The following OTOF variants were observed in gnomAD, a reference collection of about 807,000 sequenced individuals.
OTOF encodes otoferlin.
A neutral mutation model predicts 236.8 loss-of-function variants in OTOF; 218 were observed. The observed-to-expected ratio is 0.92, with a 90% CI of 0.82 to 1.03. The LOEUF is 1.03. OTOF is among the 50% of genes least tolerant of loss of function. The pLI is 0.00. For synonymous variants in OTOF, 1,041 were observed against 1,072.5 expected, an observed-to-expected ratio of 0.97 and a Z score of 0.57; for missense variants, 2,590 against 2,694.4, an observed-to-expected ratio of 0.96 and a Z score of 0.86.
chr2:26,552,599 G>T (rs1667488821), intron 1 of OTOF, among the ~76,000 whole-genome samples: 1 of 152,182 alleles, frequency 6.6e-6, no homozygotes, highest in Admixed American at 6.5e-5. Context: ...TATCAAAGCA[G>T]AAGTCTGGGG....
At position 26,471,742 on chromosome 2, in the gene OTOF, AC is replaced by A. The variant is rs557044931; in HGVS notation, c.3865-593del. ...ATACCACATGCCAGTGCACATGCAC[AC>A]ACCCACATGTATGCACGCATGTGCA... On this transcript the variant is annotated intron_variant, in intron 30 of 46. Transcript: ENST00000272371. Among the ~76,000 whole-genome samples, 11 of 152,332 alleles carry A rather than the reference AC, an allele frequency of 7.2e-5. No individual in the cohort carries two copies. The South Asian group carries it at 2.3e-3, about 32-fold the overall frequency.
At chr2:26,531,063 T>A (rs1666935165) in intron 2 of OTOF, among the ~76,000 whole-genome samples, 1 of 152,178 alleles carries the variant, frequency 6.6e-6, no homozygotes, top group Non-Finnish European at 1.5e-5. Context: ...CCTCTACAGC[T>A]CCCTGAAAGA....
chr2:26,477,083 G>C lies in OTOF; in HGVS notation c.2524-40C>G. Reference sequence around the variant, plus strand: ...GTGGCCAGGGGCAGTGGGTAAGGGGGTCTAGCCTCCTGATTGAGCCCCCTG... The same window carrying C: ...GTGGCCAGGGGCAGTGGGTAAGGGGCTCTAGCCTCCTGATTGAGCCCCCTG... On this transcript the variant is annotated intron_variant, in intron 21 of 46. Transcript: ENST00000272371. This position sits in a 1 kb window ranked among gnomAD's most constrained non-coding sequence, Gnocchi z 4.7. 1 of 1,524,770 alleles carries C rather than the reference G, an allele frequency of 6.6e-7. No homozygotes were observed. The highest frequency in any genetic ancestry group is 8.9e-7 in the Non-Finnish European group (1 of 1,119,130). 94.5% of individuals were successfully genotyped at this position (1,524,770 alleles called of 1,614,324 possible).
At chr2:26,465,614 T>G in intron 38 of OTOF, 58 bp downstream of exon 38, 1 of 1,556,214 alleles carries the variant, frequency 6.4e-7, no homozygotes, top group Non-Finnish European at 8.9e-7. Flanking sequence ...GAATCTCATT[T>G]TAGAGTGGAG....
rs1256838333 is a variant in OTOF at position 26,472,719 on chromosome 2, G to A, written c.3734-70C>T. ...GAGGAACAGTGAGATTGGCGGGGCAGGAAGGTGCGGAGAACTAAAGCTGAT... is the reference window on the plus strand; with the variant it reads ...GAGGAACAGTGAGATTGGCGGGGCAAGAAGGTGCGGAGAACTAAAGCTGAT... On this transcript the variant is annotated intron_variant, in intron 29 of 46. Coordinates refer to ENST00000272371, the MANE Select transcript of OTOF (RefSeq NM_194248.3). 1.5e-5 allele frequency: 23 copies of A among 1,522,908 alleles called. No homozygotes were observed. In the South Asian group the frequency reaches 2.1e-4, roughly 14 times the overall value. The allele number at this position is 1,522,908 out of a possible 1,614,324, so 94.3% of individuals were successfully genotyped here.
At chr2:26,518,931 C>A in intron 4 of OTOF, 79 bp downstream of exon 4, 1 of 1,007,562 alleles carries the variant, frequency 9.9e-7, no homozygotes, top group East Asian at 2.6e-5. Flanking sequence ...CCCAGACCAC[C>A]CCATGTGTGA....
intron 11 of OTOF, among the ~76,000 whole-genome samples, chr2:26,488,771 G>T (rs116524668): frequency 0.012 from 1,880 of 152,328 alleles, 22 homozygotes; most frequent in African/African-American, 0.038. Context: ...GGTCCTGTGA[G>T]GGGTGGAAAG....
Position 26,468,445 on chromosome 2 carries a change from A to T in OTOF, c.4053T>A (p.Ile1351=). 6.2e-7 allele frequency: 1 copy of T among 1,614,106 alleles called. No individual in the cohort carries two copies. Among genetic ancestry groups the T allele is most frequent in the African/African-American group, 1.3e-5 (1 of 75,008 alleles). The change falls in exon 33 of 47, where the codon ATT becomes ATA. Residue 1351 remains isoleucine, a synonymous_variant. Coordinates refer to ENST00000272371, the MANE Select transcript of OTOF (RefSeq NM_194248.3). ...CCACTTCCTCCTTCTCCTCCAAGTC[A>T]ATTCCAGAGGGCTCTTGTTGTCGAA... ...EQLRQQEPSG[I]DLEEKEEVDN...
intron 2 of OTOF, among the ~76,000 whole-genome samples, chr2:26,531,558 T>C (rs1024435946): frequency 2.0e-5 from 3 of 152,130 alleles, no homozygotes; most frequent in African/African-American, 7.2e-5. Context: ...TCATGCCACC[T>C]CCCTCCCCTT....
intron 1 of OTOF, among the ~76,000 whole-genome samples, chr2:26,554,137 C>A (rs1171313969): frequency 7.0e-6 from 1 of 142,446 alleles, no homozygotes; most frequent in Non-Finnish European, 1.5e-5. Flanking sequence ...CACTGCACTG[C>A]ACTCCAGCCT....
chr2:26,539,937 CT>C (rs1243472698), intron 1 of OTOF, among the ~76,000 whole-genome samples: 14 of 152,144 alleles, frequency 9.2e-5, no homozygotes, highest in African/African-American at 3.4e-4. Flanking sequence ...GACAAACACC[CT>C]TTTTGTTTGT....
rs181182155 is a variant in OTOF at position 26,503,437 on chromosome 2, C to T, written c.583+335G>A. On this transcript the variant is annotated intron_variant, in intron 6 of 46. Coordinates refer to ENST00000272371, the MANE Select transcript of OTOF (RefSeq NM_194248.3). ...CCCCGTACTAGTGGGACAACGGTTT[C>T]CCCCCAGAAATAGGGAGTTGGCCAA... 2.3e-3 allele frequency among the ~76,000 whole-genome samples: 358 copies of T among 152,348 alleles called. 1 individual carries two copies. The highest frequency in any genetic ancestry group is 8.1e-3 in the African/African-American group (337 of 41,574).
intron 5 of OTOF, among the ~76,000 whole-genome samples, chr2:26,514,961 C>T (rs1381955422): frequency 6.6e-6 from 1 of 152,278 alleles, no homozygotes; most frequent in African/African-American, 2.4e-5. Flanking sequence ...CACTCCCCGT[C>T]TGAGCACTGC....
chr2:26,477,819 C>G lies in OTOF; in HGVS notation c.2215-70G>C. The G allele has an allele frequency of 6.3e-7, 1 of 1,593,668 alleles. No individual in the cohort carries two copies. The highest frequency in any genetic ancestry group is 8.5e-7 in the Non-Finnish European group (1 of 1,170,266). On this transcript the variant is annotated intron_variant, in intron 18 of 46. Transcript: ENST00000272371. This position sits in a 1 kb window ranked among gnomAD's most constrained non-coding sequence, Gnocchi z 4.7. The stretch of plus-strand genomic sequence containing the variant: ...CCCCAGCCTCCCCAAATGCCTCCTC[C>G]CTGTTGATCAGGGGAGTGAGGGACC...
In OTOF at chr2:26,464,087, G is replaced by A. The variant is rs149549554; in HGVS notation, c.4980C>T (p.Asp1660=). The change falls in exon 40 of 47, where the codon GAC becomes GAT. Residue 1660 remains aspartate, a synonymous_variant. Transcript: ENST00000272371. ...EDENGQRKPT[D]EHVALLALRH... is the part of the protein sequence containing the mutation. ...TCAGGGCCAACAGCGCCACATGCTCGTCTGTGGGCTTCCTCTGACCTGTGG... is the reference window on the plus strand; with the variant it reads ...TCAGGGCCAACAGCGCCACATGCTCATCTGTGGGCTTCCTCTGACCTGTGG... 471 of 1,613,592 alleles carry A rather than the reference G, an allele frequency of 2.9e-4. 3 individuals carry two copies. The African/African-American group carries it at 4.6e-3, about 16-fold the overall frequency.
intron 8 of OTOF, among the ~76,000 whole-genome samples, chr2:26,495,460 T>G (rs1665959621): frequency 1.3e-5 from 2 of 152,176 alleles, no homozygotes; most frequent in Non-Finnish European, 2.9e-5. Context: ...AGTCTTACTC[T>G]GTTGCCCAGG....
At position 26,537,779 on chromosome 2, in the gene OTOF, G is replaced by A. The variant is rs531034566; in HGVS notation, c.80-5C>T. On this transcript the variant is annotated splice_polypyrimidine_tract_variant and splice_region_variant and intron_variant, in intron 1 of 46. Coordinates refer to ENST00000272371, the MANE Select transcript of OTOF (RefSeq NM_194248.3). Reference sequence around the variant, plus strand: ...CCCGAGAGTAGAAGGATTGCCCTGTGGGGAAAGAGGAAATAAATTCTAGGG... The same window carrying A: ...CCCGAGAGTAGAAGGATTGCCCTGTAGGGAAAGAGGAAATAAATTCTAGGG... 100 of 1,550,926 alleles carry A rather than the reference G, an allele frequency of 6.4e-5. No homozygotes were observed. In the African/African-American group the frequency reaches 1.3e-3, roughly 20 times the overall value.
intron 46 of OTOF, 60 bp downstream of exon 46, chr2:26,459,948 G>A (rs1174286043): frequency 2.7e-6 from 4 of 1,463,422 alleles, no homozygotes; most frequent in East Asian, 2.5e-5. Flanking sequence ...GTGTATATGT[G>A]TGTGTGTGCA....
chr2:26,461,070 G>T lies in OTOF; in HGVS notation c.5534-40C>A, dbSNP rs1664442304. 5.2e-6 allele frequency: 6 copies of T among 1,156,928 alleles called. No homozygotes were observed. The East Asian group carries it at 1.2e-4, about 24-fold the overall frequency. The allele number at this position is 1,156,928 out of a possible 1,614,324, so 71.7% of individuals were successfully genotyped here. Reference sequence around the variant, plus strand: ...GTGTCAGCTCAGAGTGAACAGGGCTGGGGTGGGGCGGGGTGGGGGTGGGGG... The same window carrying T: ...GTGTCAGCTCAGAGTGAACAGGGCTTGGGTGGGGCGGGGTGGGGGTGGGGG... On this transcript the variant is annotated intron_variant, in intron 43 of 46. Coordinates refer to ENST00000272371, the MANE Select transcript of OTOF (RefSeq NM_194248.3). The surrounding 1 kb of genome is among the most constrained non-coding windows in gnomAD (Gnocchi z 6.2).
Sources: allele counts gnomAD v4.1 joint callset (sites outside exome capture counted in the v4.1 genomes callset), GRCh38; gene constraint gnomAD v4.1.1; non-coding constraint Gnocchi (gnomAD v3.1); transcripts MANE v1.5; gene names NCBI Gene and HGNC (gene_info 2026-07-23, HGNC 2026-07-21).